Variants in RGS6 observed in about 807,000 individuals in gnomAD.
RGS6 encodes regulator of G protein signaling 6.
In RGS6, 30 loss-of-function variants were observed where a neutral mutation model predicts 78.5. The observed-to-expected ratio is 0.38, with a 90% CI of 0.29 to 0.52. The LOEUF (loss-of-function observed/expected upper bound fraction) is 0.52. RGS6 is among the 20% of genes least tolerant of loss of function. The pLI, the probability that RGS6 is intolerant of heterozygous loss-of-function variation, is 0.85. For missense variants in RGS6, 495 were observed against 609.7 expected, an observed-to-expected ratio of 0.81 and a Z score of 1.98; for synonymous variants, 206 against 206.0, an observed-to-expected ratio of 1.00 and a Z score of 0.00.
At chr14:72,540,611 A>G in intron 17 of RGS6, 5 of 1,471,484 alleles carry the variant, frequency 3.4e-6, no homozygotes, top group Non-Finnish European at 4.5e-6. Context: ...GCCGTGCTGC[A>G]TGGGTCCTGG....
chr14:71,899,411 A>G, the RGS6 span, among the ~76,000 whole-genome samples: 3 of 152,234 alleles, frequency 2.0e-5, no homozygotes, highest in African/African-American at 7.2e-5. Flanking sequence ...CTACTTCAGC[A>G]AAACATTGTT....
intron 2 of RGS6, among the ~76,000 whole-genome samples, chr14:72,203,547 TGG>T (rs776372420): frequency 1.3e-5 from 2 of 152,186 alleles, no homozygotes; most frequent in Non-Finnish European, 2.9e-5. Context: ...GGTTGTTGGC[TGG>T]CCTCAAATCC....
intron 3 of RGS6, among the ~76,000 whole-genome samples, chr14:72,375,482 T>C (rs1596411782): frequency 1.3e-5 from 2 of 152,272 alleles, no homozygotes; most frequent in East Asian, 3.9e-4. Context: ...GCTGAGCAGC[T>C]GTGCACCCAT....
At chr14:72,129,563 G>T (rs2096272203) in intron 2 of RGS6, among the ~76,000 whole-genome samples, 1 of 152,160 alleles carries the variant, frequency 6.6e-6, no homozygotes, top group South Asian at 2.1e-4. Context: ...AGTTCTCCTT[G>T]ACATCTGTTC....
downstream of RGS6, among the ~76,000 whole-genome samples, chr14:72,566,820 T>A (rs910133791): frequency 9.2e-5 from 14 of 152,168 alleles, no homozygotes; most frequent in Admixed American, 2.0e-4. Context: ...AGGGTCTCCT[T>A]GGCTGGGGGG....
chr14:71,969,349 C>T (rs2093681850), intron 2 of RGS6, among the ~76,000 whole-genome samples: 1 of 152,126 alleles, frequency 6.6e-6, no homozygotes, highest in Non-Finnish European at 1.5e-5. Context: ...GAGTAGGTTG[C>T]TTTCTGATTT....
At chr14:72,175,107 G>A (rs191561618) in intron 2 of RGS6, among the ~76,000 whole-genome samples, 1 of 152,278 alleles carries the variant, frequency 6.6e-6, no homozygotes, top group African/African-American at 2.4e-5. Context: ...TGCAGAACTT[G>A]TTTGTTTCTG....
chr14:72,475,424 C>T (rs1266584551), intron 10 of RGS6, among the ~76,000 whole-genome samples: 2 of 152,020 alleles, frequency 1.3e-5, no homozygotes, highest in Non-Finnish European at 2.9e-5. Context: ...TGACCAGACT[C>T]CGTAATATTA....
chr14:72,120,200 A>G (rs1437059390), intron 2 of RGS6, among the ~76,000 whole-genome samples: 1 of 152,240 alleles, frequency 6.6e-6, no homozygotes, highest in Non-Finnish European at 1.5e-5. Flanking sequence ...CCTTGATACT[A>G]TTAAGGAATG....
intron 1 of RGS6, among the ~76,000 whole-genome samples, chr14:71,955,528 T>G (rs1430619855): frequency 6.6e-6 from 1 of 152,278 alleles, no homozygotes; most frequent in African/African-American, 2.4e-5. Flanking sequence ...GGCTATTTCT[T>G]GATTATATGC....
intron 2 of RGS6, among the ~76,000 whole-genome samples, chr14:71,993,531 T>C (rs1045515728): frequency 5.9e-5 from 9 of 152,252 alleles, no homozygotes; most frequent in Non-Finnish European, 1.3e-4. Context: ...ATAGATATTG[T>C]TGTTATCCTT....
chr14:72,313,720 A>G (rs2069262795), intron 2 of RGS6, among the ~76,000 whole-genome samples: 2 of 152,240 alleles, frequency 1.3e-5, no homozygotes, highest in South Asian at 4.1e-4. Flanking sequence ...ATCATGATAC[A>G]TACAAAGGGG....
chr14:72,590,318 A>G, the RGS6 span, among the ~76,000 whole-genome samples: 1 of 152,122 alleles, frequency 6.6e-6, no homozygotes, highest in Admixed American at 6.5e-5. Flanking sequence ...ATATGTTCAC[A>G]AAAAATGCTT....
intron 2 of RGS6, among the ~76,000 whole-genome samples, chr14:72,340,723 C>T (rs1240628738): frequency 6.6e-6 from 1 of 152,184 alleles, no homozygotes; most frequent in East Asian, 1.9e-4. Context: ...TGAAAATGCA[C>T]TTCTCTCCAG....
intron 3 of RGS6, among the ~76,000 whole-genome samples, chr14:72,399,108 G>A (rs1220706925): frequency 6.7e-6 from 1 of 148,738 alleles, no homozygotes; most frequent in Non-Finnish European, 1.5e-5. Context: ...GGATATCCTT[G>A]TTAACTTTCT....
chr14:72,139,839 T>G (rs191383274), intron 2 of RGS6, among the ~76,000 whole-genome samples: 7 of 152,300 alleles, frequency 4.6e-5, no homozygotes, highest in Admixed American at 2.6e-4. Context: ...GGCAGACTTT[T>G]TTTTTTTCCA....
intron 9 of RGS6, among the ~76,000 whole-genome samples, chr14:72,473,191 C>T (rs1396368484): frequency 6.6e-6 from 1 of 152,216 alleles, no homozygotes; most frequent in Non-Finnish European, 1.5e-5. Context: ...CGCCTGTAAT[C>T]CCAGCGCTTT....
At chr14:71,979,159 T>TC (rs1189190961) in intron 2 of RGS6, among the ~76,000 whole-genome samples, 6 of 148,404 alleles carry the variant, frequency 4.0e-5, no homozygotes, top group Non-Finnish European at 7.5e-5. Context: ...TCTCTTTTTT[T>TC]CTTTATTAGT....
At chr14:72,409,706 C>T (rs950359159) in intron 3 of RGS6, among the ~76,000 whole-genome samples, 1 of 152,160 alleles carries the variant, frequency 6.6e-6, no homozygotes, top group Non-Finnish European at 1.5e-5. Flanking sequence ...AGTGCTATCC[C>T]TCCCCTCTCC....
Sources: allele counts gnomAD v4.1 joint callset (sites outside exome capture counted in the v4.1 genomes callset), GRCh38; gene constraint gnomAD v4.1.1; transcripts MANE v1.5; gene names NCBI Gene and HGNC (gene_info 2026-07-23, HGNC 2026-07-21).